ETV1: variants seen among roughly 807,000 people sequenced by gnomAD.
ETV1 encodes the protein ETS translocation variant 1.
A neutral mutation model predicts 62.3 loss-of-function variants in ETV1; 27 were observed. That is an observed-to-expected ratio of 0.43 (90% CI 0.32 to 0.60). The LOEUF (loss-of-function observed/expected upper bound fraction) is 0.60, where lower values mean the gene tolerates loss of function less well. Ranked by LOEUF, ETV1 falls within the 20% of genes least tolerant of loss-of-function variation. The pLI is 0.06. For missense variants in ETV1, 605 were observed against 605.8 expected (o/e 1.00, Z 0.01); for synonymous variants, 222 against 199.6 (o/e 1.11, Z -0.94).
At chr7:13,986,208 C>T (rs1438387386) in intron 5 of ETV1, 3 of 1,571,340 alleles carry the variant, frequency 1.9e-6, no homozygotes, top group Admixed American at 1.9e-5. Flanking sequence ...AAACTAATTT[C>T]TGCCATCAGA....
chr7:13,936,598 T>C (rs1231622934), intron 7 of ETV1, among the ~76,000 whole-genome samples: 1 of 152,228 alleles, frequency 6.6e-6, no homozygotes, highest in Non-Finnish European at 1.5e-5. Context: ...ATGAGTAAGC[T>C]TGATTTTACA....
At chr7:13,918,250 G>A (rs1437025191) in intron 9 of ETV1, among the ~76,000 whole-genome samples, 1 of 152,094 alleles carries the variant, frequency 6.6e-6, no homozygotes, top group Non-Finnish European at 1.5e-5. Flanking sequence ...CCAGTAATGG[G>A]ATGGCTGGGT....
At chr7:13,933,610 G>A (rs1189982334) in intron 8 of ETV1, among the ~76,000 whole-genome samples, 4 of 152,202 alleles carry the variant, frequency 2.6e-5, no homozygotes, top group African/African-American at 9.6e-5. Flanking sequence ...TGCCTGGCTG[G>A]AGGGGGTGTT....
intron 6 of ETV1, among the ~76,000 whole-genome samples, chr7:13,952,917 T>A (rs960533562): frequency 6.6e-6 from 1 of 152,174 alleles, no homozygotes; most frequent in Non-Finnish European, 1.5e-5. Context: ...TACTAAATGA[T>A]CCTCATCTTC....
chr7:13,910,512 T>A (rs1485572385), intron 10 of ETV1: 1 of 579,224 alleles, frequency 1.7e-6, no homozygotes, highest in African/African-American at 2.0e-5. Context: ...CATCTCATAC[T>A]ACCCTTTAAA....
chr7:13,978,429 T>C (rs1336622765), intron 5 of ETV1, among the ~76,000 whole-genome samples: 1 of 151,628 alleles, frequency 6.6e-6, no homozygotes, highest in Non-Finnish European at 1.5e-5. Flanking sequence ...GCCCAAAAAA[T>C]AGAAGTTAGG....
intron 4 of ETV1, 176 bp from the exon 5 acceptor site, chr7:13,986,861 T>A: frequency 1.8e-6 from 1 of 567,896 alleles, no homozygotes; most frequent in South Asian, 2.4e-5. Context: ...TGCCTACTTT[T>A]CATGCCTATT....
At chr7:13,920,358 C>G (rs561518114) in intron 9 of ETV1, among the ~76,000 whole-genome samples, 5 of 152,262 alleles carry the variant, frequency 3.3e-5, no homozygotes, top group African/African-American at 9.6e-5. Flanking sequence ...ATCATTACTT[C>G]CAGTCAACTG....
upstream of ETV1, among the ~76,000 whole-genome samples, chr7:13,990,122 C>T (rs1782916689): frequency 6.6e-6 from 1 of 152,178 alleles, no homozygotes; most frequent in African/African-American, 2.4e-5. Context: ...CCTCTCTACT[C>T]TTGCCCTGAC....
chr7:13,938,112 A>T (rs2128458350), intron 7 of ETV1, among the ~76,000 whole-genome samples: 1 of 152,166 alleles, frequency 6.6e-6, no homozygotes, highest in Middle Eastern at 3.4e-3. Context: ...TGCCCAGCTA[A>T]TTTTGTATTT....
intron 6 of ETV1, among the ~76,000 whole-genome samples, chr7:13,976,451 C>G (rs982389820): frequency 1.3e-5 from 2 of 152,146 alleles, no homozygotes; most frequent in African/African-American, 4.8e-5. Context: ...CTGGACAAAA[C>G]CTTGCACAAC....
At chr7:13,944,822 G>A (rs890773306) in intron 6 of ETV1, among the ~76,000 whole-genome samples, 2 of 152,132 alleles carry the variant, frequency 1.3e-5, no homozygotes, top group Non-Finnish European at 2.9e-5. Flanking sequence ...ATTAAGGTGA[G>A]CACTAATCCA....
intron 11 of ETV1, among the ~76,000 whole-genome samples, chr7:13,909,136 TA>T (rs34046311): frequency 0.56 from 78,122 of 138,856 alleles, 21,593 homozygotes; most frequent in South Asian, 0.69. Flanking sequence ...CTTCCCCAGT[TA>T]AAAAAAAAAA....
At position 13,893,876 on chromosome 7, in the gene ETV1, A is replaced by C. The variant is rs1781548792; in HGVS notation, c.*1990T>G. ...AGGCATAGTTTTCTTTTTTAGGCCC[A>C]AAATGGGCCAAAATAATACATGATG... is the stretch of plus-strand genomic sequence containing the variant. On this transcript the variant is annotated 3_prime_UTR_variant, in exon 14 of 14. Coordinates refer to ENST00000430479, the MANE Select transcript of ETV1 (RefSeq NM_004956.5). 4.3e-6 allele frequency: 1 copy of C among 233,034 alleles called. No individual in the cohort carries two copies. The highest frequency in any genetic ancestry group is 1.8e-4 in the South Asian group (1 of 5,528). The allele number at this position is 233,034 out of a possible 1,614,324, so 14.4% of individuals were successfully genotyped here. A position where few individuals can be genotyped will look rare whatever the true frequency, so the allele number is the denominator to read the frequency against.
At chr7:13,896,738 AG>A (rs1234106722) in intron 13 of ETV1, among the ~76,000 whole-genome samples, 50 of 70,528 alleles carry the variant, frequency 7.1e-4, no homozygotes, top group African/African-American at 2.3e-3. Flanking sequence ...AGAAAAAGAA[AG>A]AAAGGAAAGA....
rs10694579 is a variant in ETV1 at position 13,896,743 on chromosome 7, GGAAAGAAAGAAAGAAA to G, written c.1213-672_1213-657del. 6.9e-3 allele frequency among the ~76,000 whole-genome samples: 799 copies of G among 115,298 alleles called. 12 individuals are homozygous for G. The highest frequency in any genetic ancestry group is 0.025 in the African/African-American group (750 of 29,864). 75.6% of individuals were successfully genotyped at this position (115,298 alleles called of 152,430 possible). A position where few individuals can be genotyped will look rare whatever the true frequency, so the allele number is the denominator to read the frequency against. On this transcript the variant is annotated intron_variant, in intron 13 of 13. Coordinates refer to ENST00000430479, the MANE Select transcript of ETV1 (RefSeq NM_004956.5). ...AGAAAGAAAAAGAAAAAGAAAGAAAGGAAAGAAAGAAAGAAAGAAAGAAAGAAAGAAAGAAAGAAAG... is the reference window on the plus strand; with the variant it reads ...AGAAAGAAAAAGAAAAAGAAAGAAAGGAAAGAAAGAAAGAAAGAAAGAAAG...
chr7:13,914,668 T>C (rs1783955188), intron 9 of ETV1, among the ~76,000 whole-genome samples: 1 of 152,042 alleles, frequency 6.6e-6, no homozygotes, highest in African/African-American at 2.4e-5. Flanking sequence ...TTGATTTGCA[T>C]TTTCAAGCTA....
At chr7:13,922,567 G>A (rs967153454) in intron 9 of ETV1, among the ~76,000 whole-genome samples, 5 of 152,084 alleles carry the variant, frequency 3.3e-5, no homozygotes, top group African/African-American at 7.2e-5. Flanking sequence ...GCAAGACAGC[G>A]AGACCCTATC....
At chr7:13,900,511 C>A (rs1782302716) in intron 13 of ETV1, 1 of 405,800 alleles carries the variant, frequency 2.5e-6, no homozygotes, top group Admixed American at 4.4e-5. Context: ...AAAGTAGGAC[C>A]TTCCAGAAAG....
Sources: gnomAD v4.1 joint callset for allele counts (sites outside exome capture counted in the v4.1 genomes callset) on GRCh38, gnomAD v4.1.1 for gene constraint, MANE v1.5 for transcripts, NCBI Gene and HGNC (gene_info 2026-07-23, HGNC 2026-07-21) for gene names.